XIRP2: variants seen among roughly 807,000 people sequenced by gnomAD.
XIRP2 encodes xin actin-binding repeat-containing protein 2.
In XIRP2, 236 loss-of-function variants were observed where a neutral mutation model predicts 277.0. The ratio of observed to expected loss-of-function variants is 0.85; its 90% CI spans 0.77 to 0.95. XIRP2 has a LOEUF of 0.95. Ranked by LOEUF, XIRP2 falls within the 40% of genes least tolerant of loss-of-function variation. The pLI is 0.00. For synonymous variants in XIRP2, 1,490 were observed against 1,416.5 expected (o/e 1.05, Z -1.17); for missense variants, 4,640 against 4,157.5 (o/e 1.12, Z -3.19).
chr2:167,180,230 A>C (rs1692975421), intron 3 of XIRP2, among the ~76,000 whole-genome samples: 1 of 152,116 alleles, frequency 6.6e-6, no homozygotes. Flanking sequence ...TTGTCATCTC[A>C]GATCTTACTT....
At chr2:167,024,825 G>C (rs1688102745) in intron 2 of XIRP2, among the ~76,000 whole-genome samples, 1 of 152,152 alleles carries the variant, frequency 6.6e-6, no homozygotes, top group African/African-American at 2.4e-5. Context: ...TGGTGGATAA[G>C]TTTTTTGATG....
At chr2:167,165,590 C>T (rs35864489) in intron 3 of XIRP2, among the ~76,000 whole-genome samples, 620 of 152,232 alleles carry the variant, frequency 4.1e-3, no homozygotes, top group Non-Finnish European at 6.9e-3. Context: ...AGTTCTTTGA[C>T]GATGATGTGG....
intron 2 of XIRP2, among the ~76,000 whole-genome samples, chr2:166,915,319 AAAAG>A (rs1419281795): frequency 8.5e-4 from 129 of 151,014 alleles, no homozygotes; most frequent in African/African-American, 3.0e-3. Context: ...AAAAAAAAAA[AAAAG>A]AAAAAGAAAT....
chr2:167,012,652 C>G (rs1448316014), intron 2 of XIRP2, among the ~76,000 whole-genome samples: 1 of 151,488 alleles, frequency 6.6e-6, no homozygotes, highest in Non-Finnish European at 1.5e-5. Flanking sequence ...TTTCCATGTC[C>G]TTGTAAAATG....
At chr2:166,973,073 A>G (rs1380156580) in intron 2 of XIRP2, among the ~76,000 whole-genome samples, 3 of 152,142 alleles carry the variant, frequency 2.0e-5, no homozygotes, top group Non-Finnish European at 2.9e-5. Context: ...TCTGGCTTGA[A>G]TCGTTGCTTC....
At chr2:167,030,392 G>T (rs563138330) in intron 2 of XIRP2, among the ~76,000 whole-genome samples, 4 of 151,878 alleles carry the variant, frequency 2.6e-5, no homozygotes, top group African/African-American at 9.7e-5. Flanking sequence ...TATCTGGGCC[G>T]TAGATATTCT....
chr2:167,147,249 T>C (rs1405203599), intron 3 of XIRP2, among the ~76,000 whole-genome samples: 1 of 152,110 alleles, frequency 6.6e-6, no homozygotes, highest in Non-Finnish European at 1.5e-5. Context: ...AGTAATAATA[T>C]AGGCAGTATG....
Position 167,242,775 on chromosome 2 carries a change from A to C in XIRP2, c.1383A>C (p.Gln461His), listed in dbSNP as rs558393401. The change falls in exon 9 of 11, where the codon CAA (glutamine) becomes CAC (histidine). Residue 461 changes from glutamine to histidine, a missense_variant. Physicochemically the swap from Gln to His is conservative, Grantham distance 24 (BLOSUM62 0). Transcript: ENST00000409195. ...EFPPPPPDVL[Q>H]TSVDVTAFSQ... ...CTCCTCCCCCACCTGACGTACTTCA[A>C]ACTTCAGTAGATGTGACAGCATTTT... 6.2e-7 allele frequency: 1 copy of C among 1,614,090 alleles called. No homozygotes were observed. The highest frequency in any genetic ancestry group is 1.3e-5 in the African/African-American group (1 of 75,056).
chr2:167,162,632 G>A (rs1017781574), intron 3 of XIRP2, among the ~76,000 whole-genome samples: 6 of 152,142 alleles, frequency 3.9e-5, no homozygotes, highest in Non-Finnish European at 7.3e-5. Context: ...TTTGGGTGGG[G>A]ACACAGCCAA....
chr2:167,175,135 T>A (rs1692801764), intron 3 of XIRP2, among the ~76,000 whole-genome samples: 2 of 152,254 alleles, frequency 1.3e-5, no homozygotes, highest in South Asian at 4.1e-4. Context: ...CTGAATATCC[T>A]TGTTAACTTT....
At chr2:167,210,452 A>G (rs1197493697) in intron 3 of XIRP2, among the ~76,000 whole-genome samples, 2 of 152,216 alleles carry the variant, frequency 1.3e-5, no homozygotes, top group Non-Finnish European at 2.9e-5. Flanking sequence ...AGGAATGTTA[A>G]TTGTTATTAT....
chr2:166,910,054 G>A (rs1310804023), intron 2 of XIRP2, among the ~76,000 whole-genome samples: 1 of 152,198 alleles, frequency 6.6e-6, no homozygotes, highest in African/African-American at 2.4e-5. Flanking sequence ...GTTCATCAGA[G>A]ATATTGGTCT....
intron 2 of XIRP2, among the ~76,000 whole-genome samples, chr2:167,090,660 C>G (rs770014668): frequency 1.3e-5 from 2 of 152,036 alleles, no homozygotes; most frequent in Non-Finnish European, 2.9e-5. Context: ...TGGGCTTTGG[C>G]ACTGCATTAC....
At chr2:167,059,333 G>T (rs977241953) in intron 2 of XIRP2, among the ~76,000 whole-genome samples, 5 of 151,092 alleles carry the variant, frequency 3.3e-5, no homozygotes, top group Non-Finnish European at 5.9e-5. Flanking sequence ...GGGCAGGCTG[G>T]TCTCGAACTC....
Position 167,244,642 on chromosome 2 carries a change from A to G in XIRP2, c.3250A>G (p.Arg1084Gly). 2 of 1,613,400 alleles carry G rather than the reference A, an allele frequency of 1.2e-6. No individual in the cohort carries two copies. The highest frequency in any genetic ancestry group is 2.2e-5 in the South Asian group (2 of 91,008). ...EETESKTEQT[R>G]DIVKGDVKTC... ...AACAGAAAGTAAAACTGAACAAACTAGAGATATTGTTAAAGGGGATGTCAA... is the reference window on the plus strand; with the variant it reads ...AACAGAAAGTAAAACTGAACAAACTGGAGATATTGTTAAAGGGGATGTCAA... The change falls in exon 9 of 11, where the codon AGA becomes GGA. Residue 1084 changes from arginine (R) to glycine (G), a missense_variant. Transcript: ENST00000409195.
intron 3 of XIRP2, chr2:167,140,711 TCAC>T (rs1691692598): frequency 6.6e-6 from 1 of 152,220 alleles, no homozygotes; most frequent in African/African-American, 2.4e-5. Context: ...TGTCAGTGGA[TCAC>T]CATCTAAAAC....
intron 2 of XIRP2, among the ~76,000 whole-genome samples, chr2:167,079,709 G>A (rs1033166820): frequency 1.3e-5 from 2 of 151,572 alleles, no homozygotes; most frequent in African/African-American, 4.8e-5. Context: ...CTGATTGTAC[G>A]TCTTTGGATT....
intron 4 of XIRP2, among the ~76,000 whole-genome samples, chr2:167,213,826 C>T (rs1488217860): frequency 3.3e-5 from 5 of 152,088 alleles, no homozygotes; most frequent in African/African-American, 7.2e-5. Flanking sequence ...ACCTTAGCAC[C>T]GCCACTGAAC....
chr2:167,006,204 G>A (rs1219721219), intron 2 of XIRP2, among the ~76,000 whole-genome samples: 1 of 151,700 alleles, frequency 6.6e-6, no homozygotes, highest in East Asian at 1.9e-4. Flanking sequence ...GAGGAGCTTT[G>A]GGTAAGATAC....
Sources: allele counts gnomAD v4.1 joint callset (sites outside exome capture counted in the v4.1 genomes callset), GRCh38; gene constraint gnomAD v4.1.1; transcripts MANE v1.5; gene names NCBI Gene and HGNC (gene_info 2026-07-23, HGNC 2026-07-21).